The following FHIT variants were observed in gnomAD, a reference collection of about 807,000 sequenced individuals.
FHIT encodes bis(5'-adenosyl)-triphosphatase.
FHIT carries 19 observed loss-of-function variants against 17.9 expected under a neutral mutation model. The ratio of observed to expected loss-of-function variants is 1.06; its 90% CI spans 0.74 to 1.56. FHIT has a LOEUF of 1.56. Among genes scored for constraint, FHIT ranks in the 40% most tolerant of loss-of-function variants. The pLI is 0.00. For synonymous variants in FHIT, 81 were observed against 69.7 expected (o/e 1.16, Z -0.81); for missense variants, 248 against 189.2 (o/e 1.31, Z -1.82).
At chr3:61,020,879 A>C (rs113157376) in intron 3 of FHIT, among the ~76,000 whole-genome samples, 3 of 152,350 alleles carry the variant, frequency 2.0e-5, no homozygotes, top group African/African-American at 7.2e-5. Flanking sequence ...CAGGAGTTGC[A>C]ATACTAGTCT....
intron 3 of FHIT, among the ~76,000 whole-genome samples, chr3:60,963,788 C>A (rs1157240819): frequency 6.6e-6 from 1 of 152,136 alleles, no homozygotes. Flanking sequence ...GCACTGTGGT[C>A]TGAGAGACAG....
At chr3:60,596,997 A>C (rs2856022) in intron 4 of FHIT, among the ~76,000 whole-genome samples, 18,547 of 152,176 alleles carry the variant, frequency 0.12, 2,224 homozygotes, top group African/African-American at 0.31. Flanking sequence ...GACCTCTGGT[A>C]TTCTGTTTTG....
chr3:60,437,371 C>A (rs1455947110), intron 5 of FHIT, among the ~76,000 whole-genome samples: 1 of 152,088 alleles, frequency 6.6e-6, no homozygotes, highest in East Asian at 1.9e-4. Flanking sequence ...TTATAAAATT[C>A]TCTCTATATG....
At chr3:60,353,096 TA>T in intron 5 of FHIT, among the ~76,000 whole-genome samples, 1 of 152,290 alleles carries the variant, frequency 6.6e-6, no homozygotes, top group Non-Finnish European at 1.5e-5. Context: ...TCATTTTTCC[TA>T]AAAAAATTTC....
At chr3:61,014,808 A>AAAAAAAAAATAT (rs1156410696) in intron 3 of FHIT, among the ~76,000 whole-genome samples, 1 of 26,982 alleles carries the variant, frequency 3.7e-5, no homozygotes. Flanking sequence ...AAAAAAAAAA[A>AAAAAAAAAATAT]TATATATATA....
chr3:60,355,932 C>A (rs1159096625), intron 5 of FHIT, among the ~76,000 whole-genome samples: 1 of 152,062 alleles, frequency 6.6e-6, no homozygotes, highest in African/African-American at 2.4e-5. Flanking sequence ...TGTTTAATCA[C>A]TGGGTCATTA....
At chr3:60,173,755 T>C (rs1172034640) in intron 5 of FHIT, among the ~76,000 whole-genome samples, 1 of 151,318 alleles carries the variant, frequency 6.6e-6, no homozygotes, top group Non-Finnish European at 1.5e-5. Flanking sequence ...AGGAGCCCTT[T>C]CTCTGGGTTT....
chr3:60,094,868 G>T (rs1487935255), intron 5 of FHIT, among the ~76,000 whole-genome samples: 2 of 152,006 alleles, frequency 1.3e-5, no homozygotes, highest in Admixed American at 6.6e-5. Context: ...AGACAACACT[G>T]CAAAAGGAAG....
chr3:60,150,146 G>A (rs1030868922), intron 5 of FHIT, among the ~76,000 whole-genome samples: 3 of 151,162 alleles, frequency 2.0e-5, no homozygotes, highest in Non-Finnish European at 4.4e-5. Context: ...ACAGGCATGC[G>A]CCCCCCACGC....
intron 4 of FHIT, among the ~76,000 whole-genome samples, chr3:60,702,138 A>G (rs2041262867): frequency 6.6e-6 from 1 of 152,210 alleles, no homozygotes; most frequent in South Asian, 2.1e-4. Context: ...TGCTGGGATT[A>G]TAGGCGTGAG....
chr3:60,820,525 G>T (rs1373660679), intron 4 of FHIT, among the ~76,000 whole-genome samples: 1 of 152,158 alleles, frequency 6.6e-6, no homozygotes, highest in Non-Finnish European at 1.5e-5. Flanking sequence ...AAGTAAAGAT[G>T]CCTGCCTCAT....
intron 5 of FHIT, among the ~76,000 whole-genome samples, chr3:60,394,181 G>A (rs1395115122): frequency 6.6e-6 from 1 of 152,084 alleles, no homozygotes; most frequent in Non-Finnish European, 1.5e-5. Flanking sequence ...GGAATAGCAG[G>A]TGAAAAACTT....
At chr3:60,280,991 T>TCTTTTATCCTGAAAAAAA (rs1707401930) in intron 5 of FHIT, among the ~76,000 whole-genome samples, 1 of 104,584 alleles carries the variant, frequency 9.6e-6, no homozygotes, top group Admixed American at 1.0e-4. Flanking sequence ...CAGCAATGTT[T>TCTTTTATCCTGAAAAAAA]CAGGATAAAA....
intron 8 of FHIT, among the ~76,000 whole-genome samples, chr3:59,792,234 C>A (rs1335597460): frequency 6.6e-6 from 1 of 152,158 alleles, no homozygotes; most frequent in Non-Finnish European, 1.5e-5. Context: ...AAACCGTCTC[C>A]ATTTCAACTG....
intron 2 of FHIT, among the ~76,000 whole-genome samples, chr3:61,098,609 T>C (rs983212120): frequency 3.0e-4 from 46 of 152,236 alleles, no homozygotes; most frequent in African/African-American, 1.1e-3. Context: ...CATTTGTCTG[T>C]GTCATCTCTG....
At chr3:60,101,942 C>T (rs1704207369) in intron 5 of FHIT, among the ~76,000 whole-genome samples, 1 of 152,180 alleles carries the variant, frequency 6.6e-6, no homozygotes, top group African/African-American at 2.4e-5. Flanking sequence ...TTCTTCCCTT[C>T]CTCACTCAAG....
chr3:60,655,428 C>T (rs1205267522), intron 4 of FHIT, among the ~76,000 whole-genome samples: 4 of 152,108 alleles, frequency 2.6e-5, no homozygotes, highest in African/African-American at 9.7e-5. Context: ...GTCTTCTAAG[C>T]CACTGGACAC....
At chr3:60,283,103 G>A (rs564172236) in intron 5 of FHIT, among the ~76,000 whole-genome samples, 28 of 151,996 alleles carry the variant, frequency 1.8e-4, no homozygotes, top group Non-Finnish European at 3.5e-4. Context: ...AGTAAATAGC[G>A]GCCTCTGTTC....
intron 3 of FHIT, among the ~76,000 whole-genome samples, chr3:61,022,663 A>G (rs892275383): frequency 6.6e-6 from 1 of 152,238 alleles, no homozygotes; most frequent in African/African-American, 2.4e-5. Context: ...AGTTGGCTTA[A>G]TCCCTGGGAT....
Sources: allele counts gnomAD v4.1 joint callset (sites outside exome capture counted in the v4.1 genomes callset), GRCh38; gene constraint gnomAD v4.1.1; transcripts MANE v1.5; gene names NCBI Gene and HGNC (gene_info 2026-07-23, HGNC 2026-07-21).